The following SLC23A2 variants were observed in gnomAD, a reference collection of about 807,000 sequenced individuals.
SLC23A2 encodes Na(+)/L-ascorbic acid transporter 2.
A neutral mutation model predicts 73.3 loss-of-function variants in SLC23A2; 36 were observed. The ratio of observed to expected loss-of-function variants is 0.49; its 90% CI spans 0.38 to 0.65. SLC23A2 has a LOEUF of 0.65. Among genes scored for constraint, SLC23A2 ranks in the 30% least tolerant of loss-of-function variants. The pLI, the probability that SLC23A2 is intolerant of heterozygous loss-of-function variation, is 0.00. For missense variants in SLC23A2, 507 were observed against 841.6 expected (o/e 0.60, Z 4.92); for synonymous variants, 343 against 327.3 (o/e 1.05, Z -0.52).
intron 1 of SLC23A2, among the ~76,000 whole-genome samples, chr20:4,999,556 ATT>A (rs11475838): frequency 9.8e-4 from 141 of 143,616 alleles, no homozygotes; most frequent in Admixed American, 1.4e-3. Flanking sequence ...ATACTCAGCT[ATT>A]TTTTTTTTTT....
intron 1 of SLC23A2, among the ~76,000 whole-genome samples, chr20:4,981,793 C>A (rs943860029): frequency 6.6e-6 from 1 of 152,020 alleles, no homozygotes; most frequent in African/African-American, 2.4e-5. Context: ...CCTCCACCCC[C>A]CAGGTTCAAG....
At chr20:4,924,684 C>A (rs928652431) in intron 3 of SLC23A2, among the ~76,000 whole-genome samples, 1 of 152,230 alleles carries the variant, frequency 6.6e-6, no homozygotes, top group Non-Finnish European at 1.5e-5. Flanking sequence ...TGCTGTGGGG[C>A]CTTTGCCCTT....
chr20:4,957,207 T>G (rs1289095480), intron 2 of SLC23A2, among the ~76,000 whole-genome samples: 6 of 152,048 alleles, frequency 3.9e-5, no homozygotes, highest in Non-Finnish European at 8.8e-5. Context: ...ATAATCCCAG[T>G]GCTTTGGGGG....
intron 2 of SLC23A2, among the ~76,000 whole-genome samples, chr20:4,948,501 G>C (rs1222570605): frequency 6.6e-6 from 1 of 152,180 alleles, no homozygotes; most frequent in Non-Finnish European, 1.5e-5. Context: ...ATAAGGAAAA[G>C]GGAGCTCTGA....
intron 8 of SLC23A2, 49 bp downstream of exon 8, chr20:4,884,704 C>A: frequency 1.5e-6 from 2 of 1,300,302 alleles, no homozygotes; most frequent in South Asian, 2.4e-5. Context: ...AACATTGAAG[C>A]TGAGAAGAAA....
At chr20:4,969,998 G>C (rs1168712597) in intron 2 of SLC23A2, among the ~76,000 whole-genome samples, 1 of 152,100 alleles carries the variant, frequency 6.6e-6, no homozygotes. Context: ...AAAAAAGAAT[G>C]CTCCTGAGTA....
chr20:4,897,387 C>T (rs776028222), intron 6 of SLC23A2, among the ~76,000 whole-genome samples: 31 of 152,206 alleles, frequency 2.0e-4, no homozygotes, highest in Non-Finnish European at 3.5e-4. Flanking sequence ...AGGGGTGGGG[C>T]TGCCATTCCT....
chr20:4,907,458 T>A (rs933473589), intron 4 of SLC23A2, among the ~76,000 whole-genome samples: 2 of 152,050 alleles, frequency 1.3e-5, no homozygotes, highest in Admixed American at 6.6e-5. Context: ...GAAAATATAA[T>A]CAATGTAGTA....
At chr20:4,927,577 A>C (rs561415544) in intron 3 of SLC23A2, among the ~76,000 whole-genome samples, 24 of 152,194 alleles carry the variant, frequency 1.6e-4, no homozygotes, top group Non-Finnish European at 2.6e-4. Context: ...CGCAGTTCAA[A>C]TCCACAACTT....
At chr20:4,999,403 T>C (rs747211541) in intron 1 of SLC23A2, among the ~76,000 whole-genome samples, 4 of 152,128 alleles carry the variant, frequency 2.6e-5, no homozygotes, top group Non-Finnish European at 4.4e-5. Flanking sequence ...TGTGCTTGCC[T>C]GCCCCGGGAC....
intron 13 of SLC23A2, among the ~76,000 whole-genome samples, chr20:4,865,823 T>C (rs951550129): frequency 2.6e-5 from 4 of 152,002 alleles, no homozygotes; most frequent in African/African-American, 9.7e-5. Flanking sequence ...TTATTTTATT[T>C]ATATATTTTT....
chr20:4,895,485 C>G (rs1600108586), intron 6 of SLC23A2, among the ~76,000 whole-genome samples: 1 of 152,258 alleles, frequency 6.6e-6, no homozygotes, highest in East Asian at 1.9e-4. Context: ...TTTTCATATG[C>G]AAAAACTCCC....
intron 6 of SLC23A2, among the ~76,000 whole-genome samples, chr20:4,889,772 A>C (rs1338130621): frequency 6.6e-6 from 1 of 151,922 alleles, no homozygotes; most frequent in African/African-American, 2.4e-5. Context: ...ATCTTGACCC[A>C]CCATGTATCC....
intron 4 of SLC23A2, among the ~76,000 whole-genome samples, chr20:4,910,273 A>C (rs1932094217): frequency 6.6e-6 from 1 of 151,294 alleles, no homozygotes; most frequent in African/African-American, 2.4e-5. Flanking sequence ...GCTACTCAGG[A>C]GGCTGAGGTA....
intron 1 of SLC23A2, among the ~76,000 whole-genome samples, chr20:4,988,497 G>C (rs986674983): frequency 3.6e-4 from 55 of 151,994 alleles, no homozygotes; most frequent in African/African-American, 1.3e-3. Flanking sequence ...CAGCACTTTG[G>C]GGGGTTGAGG....
At chr20:4,896,137 A>T (rs1311188732) in intron 6 of SLC23A2, among the ~76,000 whole-genome samples, 1 of 152,116 alleles carries the variant, frequency 6.6e-6, no homozygotes, top group East Asian at 1.9e-4. Flanking sequence ...ACACACGAAC[A>T]TGGGGTGCAG....
At chr20:4,915,141 A>C (rs1932279957) in intron 3 of SLC23A2, among the ~76,000 whole-genome samples, 1 of 152,242 alleles carries the variant, frequency 6.6e-6, no homozygotes, top group Admixed American at 6.5e-5. Flanking sequence ...GCTAAAAAAG[A>C]AAATTGTAAT....
chr20:4,865,249 C>A (rs1230897167), intron 13 of SLC23A2, among the ~76,000 whole-genome samples: 1 of 152,160 alleles, frequency 6.6e-6, no homozygotes, highest in East Asian at 1.9e-4. Context: ...GAGAAATGAC[C>A]TTCCTCTGGA....
At chr20:4,865,771 TGTA>T (rs1708861929) in intron 13 of SLC23A2, among the ~76,000 whole-genome samples, 2 of 152,210 alleles carry the variant, frequency 1.3e-5, no homozygotes, top group African/African-American at 4.8e-5. Flanking sequence ...TATAAAATGG[TGTA>T]GTATTTGCAT....
Sources: allele counts gnomAD v4.1 joint callset (sites outside exome capture counted in the v4.1 genomes callset), GRCh38; gene constraint gnomAD v4.1.1; transcripts MANE v1.5; gene names NCBI Gene and HGNC (gene_info 2026-07-23, HGNC 2026-07-21).